PPFIBP2: variants seen among roughly 807,000 people sequenced by gnomAD.
The protein encoded by PPFIBP2 is liprin-beta-2.
Under a neutral mutation model 118.3 loss-of-function variants are expected in PPFIBP2, and 118 were observed. That is an observed-to-expected ratio of 1.00 (90% confidence interval 0.86 to 1.16). The LOEUF is 1.16. PPFIBP2 is among the 50% of genes most tolerant of loss of function. The pLI, the probability that PPFIBP2 is intolerant of heterozygous loss-of-function variation, is 0.00. For synonymous variants in PPFIBP2, 414 were observed against 397.4 expected (o/e 1.04, Z -0.50); for missense variants, 1,195 against 1,073.1 (o/e 1.11, Z -1.59).
chr11:7,555,652 G>A (rs1015076600), intron 2 of PPFIBP2, among the ~76,000 whole-genome samples: 1 of 152,190 alleles, frequency 6.6e-6, no homozygotes, highest in African/African-American at 2.4e-5. Context: ...GAGTGTCTAA[G>A]GGGCAGAGCT....
chr11:7,526,729 G>A (rs965838721), intron 1 of PPFIBP2, among the ~76,000 whole-genome samples: 7 of 152,074 alleles, frequency 4.6e-5, no homozygotes, highest in African/African-American at 7.2e-5. Context: ...AAATTAGCCC[G>A]GCGTGACTAT....
chr11:7,601,158 T>C (rs1861354432), intron 5 of PPFIBP2, among the ~76,000 whole-genome samples: 3 of 152,190 alleles, frequency 2.0e-5, no homozygotes, highest in African/African-American at 7.2e-5. Context: ...GAGGAGTTAG[T>C]TCCTTACCTA....
chr11:7,627,470 T>C (rs60061455), intron 8 of PPFIBP2, among the ~76,000 whole-genome samples: 1,932 of 152,132 alleles, frequency 0.013, 46 homozygotes, highest in African/African-American at 0.045. Context: ...TTTTTTTATA[T>C]AGACATCCCT....
At chr11:7,579,604 C>T (rs1203813009) in intron 3 of PPFIBP2, among the ~76,000 whole-genome samples, 1 of 152,216 alleles carries the variant, frequency 6.6e-6, no homozygotes, top group African/African-American at 2.4e-5. Flanking sequence ...GTCCCAGCCC[C>T]TGGGGCAGAT....
At chr11:7,594,278 T>C (rs916828611) in intron 4 of PPFIBP2, among the ~76,000 whole-genome samples, 4 of 150,098 alleles carry the variant, frequency 2.7e-5, no homozygotes, top group African/African-American at 2.4e-5. Context: ...GTGTTGTTGG[T>C]TTTTTTTCTT....
intron 17 of PPFIBP2, among the ~76,000 whole-genome samples, chr11:7,643,911 A>G (rs1343156281): frequency 6.6e-6 from 1 of 152,176 alleles, no homozygotes; most frequent in Non-Finnish European, 1.5e-5. Flanking sequence ...TCTCCCAGGT[A>G]AAGTTTTACA....
intron 1 of PPFIBP2, among the ~76,000 whole-genome samples, chr11:7,548,033 A>G (rs969611117): frequency 5.3e-5 from 8 of 152,294 alleles, no homozygotes; most frequent in Admixed American, 2.0e-4. Flanking sequence ...AAAAGCTAAC[A>G]TATTGAACAC....
intron 1 of PPFIBP2, among the ~76,000 whole-genome samples, chr11:7,549,018 C>T (rs1852643657): frequency 1.3e-5 from 2 of 152,214 alleles, no homozygotes; most frequent in East Asian, 3.9e-4. Context: ...AGGGATTGTC[C>T]CAGGCCCTGC....
intron 1 of PPFIBP2, among the ~76,000 whole-genome samples, chr11:7,521,348 C>T (rs757960690): frequency 1.3e-4 from 20 of 152,312 alleles, no homozygotes; most frequent in South Asian, 2.1e-4. Context: ...CCTTGTATGG[C>T]ATTCAAATCT....
In PPFIBP2 at chr11:7,555,299, C is replaced by T. The variant is rs1462258408; in HGVS notation, c.64+5760C>T. 2.0e-5 allele frequency among the ~76,000 whole-genome samples: 3 copies of T among 152,180 alleles called. No homozygotes were observed. The South Asian group carries it at 6.2e-4, about 32-fold the overall frequency. On this transcript the variant is annotated intron_variant, in intron 2 of 23. Transcript: ENST00000299492. The stretch of plus-strand genomic sequence containing the variant: ...CTGAGGAGGAATAGTTAAGAGGAGT[C>T]TGTTTTATGACAGTTAAAGAAGTTG...
chr11:7,537,008 G>A (rs1851288671), intron 1 of PPFIBP2, among the ~76,000 whole-genome samples: 2 of 152,250 alleles, frequency 1.3e-5, no homozygotes, highest in South Asian at 4.1e-4. Flanking sequence ...TTATACTTGG[G>A]GAGGGGAATC....
At chr11:7,604,804 G>A (rs748283606) in intron 5 of PPFIBP2, among the ~76,000 whole-genome samples, 2 of 152,198 alleles carry the variant, frequency 1.3e-5, no homozygotes, top group Non-Finnish European at 2.9e-5. Flanking sequence ...GTAGCACAGA[G>A]CTTGGTGGGA....
At chr11:7,640,492 A>G (rs377493247) in intron 15 of PPFIBP2, among the ~76,000 whole-genome samples, 4 of 152,248 alleles carry the variant, frequency 2.6e-5, no homozygotes, top group East Asian at 1.9e-4. Flanking sequence ...AAAAGATTCA[A>G]TGGCCCCGGA....
chr11:7,593,936 G>T (rs1280036902), intron 4 of PPFIBP2, among the ~76,000 whole-genome samples: 1 of 152,190 alleles, frequency 6.6e-6, no homozygotes, highest in East Asian at 1.9e-4. Context: ...TTTACTCAAG[G>T]TCTGGTATGC....
intron 3 of PPFIBP2, among the ~76,000 whole-genome samples, chr11:7,585,992 A>T (rs1858099589): frequency 6.6e-6 from 1 of 152,220 alleles, no homozygotes; most frequent in Non-Finnish European, 1.5e-5. Context: ...TACGAAAGAA[A>T]AATATGTGGC....
intron 3 of PPFIBP2, 123 bp downstream of exon 3, chr11:7,565,890 A>C (rs908303166): frequency 4.6e-6 from 5 of 1,081,638 alleles, no homozygotes; most frequent in Non-Finnish European, 6.6e-6. Flanking sequence ...CTTCCATCCC[A>C]CTTTGGCCAA....
chr11:7,539,692 G>T (rs1306171629), intron 1 of PPFIBP2, among the ~76,000 whole-genome samples: 1 of 152,226 alleles, frequency 6.6e-6, no homozygotes, highest in Non-Finnish European at 1.5e-5. Flanking sequence ...GACCCAGTCA[G>T]AAGTAGTCAC....
chr11:7,523,000 T>C (rs1002819450), intron 1 of PPFIBP2, among the ~76,000 whole-genome samples: 1 of 151,348 alleles, frequency 6.6e-6, no homozygotes, highest in Non-Finnish European at 1.5e-5. Context: ...AGTGTTGGAG[T>C]GGGGATGGGG....
chr11:7,566,079 T>A (rs761034224), intron 3 of PPFIBP2, among the ~76,000 whole-genome samples: 2 of 152,020 alleles, frequency 1.3e-5, no homozygotes, highest in African/African-American at 2.4e-5. Flanking sequence ...CATGTACTGC[T>A]TATTGAGTTC....
Sources: gnomAD v4.1 joint callset for allele counts (sites outside exome capture counted in the v4.1 genomes callset) on GRCh38, gnomAD v4.1.1 for gene constraint, MANE v1.5 for transcripts, NCBI Gene and HGNC (gene_info 2026-07-23, HGNC 2026-07-21) for gene names.